The following LAIR1 variants were observed in gnomAD, a reference collection of about 807,000 sequenced individuals.
LAIR1 encodes leukocyte-associated immunoglobulin-like receptor 1.
LAIR1 carries 24 observed loss-of-function variants against 32.8 expected under a neutral mutation model. The observed-to-expected ratio is 0.73, with a 90% CI of 0.53 to 1.03. The LOEUF (loss-of-function observed/expected upper bound fraction) is 1.03, where lower values mean the gene tolerates loss of function less well. Among genes scored for constraint, LAIR1 ranks in the 50% least tolerant of loss-of-function variants. The pLI is 0.00. For missense variants in LAIR1, 355 were observed against 347.5 expected, an observed-to-expected ratio of 1.02 and a Z score of -0.17; for synonymous variants, 150 against 140.5, an observed-to-expected ratio of 1.07 and a Z score of -0.48.
In LAIR1 at chr19:54,361,124, C is replaced by G; in HGVS notation, c.156G>C (p.Pro52=). 1.2e-6 allele frequency: 2 copies of G among 1,614,154 alleles called. No individual in the cohort carries two copies. The highest frequency in any genetic ancestry group is 1.1e-5 in the South Asian group (1 of 91,082). ...CCAGGCGGAATGTTTGAACCCCAAC[C>G]GGGCCCCGGCACACGAAAGTCACAT... ...GSHVTFVCRG[P]VGVQTFRLER... is the part of the protein sequence containing the mutation. Residue 52 remains proline (P), a synonymous_variant, in exon 3 of 10, where the codon CCG becomes CCC. Transcript: ENST00000391742.
chr19:54,362,384 A>G (rs1270198133), intron 2 of LAIR1, among the ~76,000 whole-genome samples: 1 of 152,136 alleles, frequency 6.6e-6, no homozygotes, highest in Non-Finnish European at 1.5e-5. Flanking sequence ...GACGTTTTTC[A>G]TGGGCTGCTA....
chr19:54,373,409 A>C (rs535058119), upstream of LAIR1, among the ~76,000 whole-genome samples: 1 of 151,758 alleles, frequency 6.6e-6, no homozygotes. Context: ...GCGCCACTGC[A>C]CTCCAGCCAG....
At position 54,353,877 on chromosome 19, in the gene LAIR1, C is replaced by G. The variant is rs190055694; in HGVS notation, c.*1391G>C. On this transcript the variant is annotated 3_prime_UTR_variant, in exon 10 of 10. Coordinates refer to ENST00000391742, the MANE Select transcript of LAIR1 (RefSeq NM_002287.6). ...CCTCCCGAGTAGCTGGGACTACAGG[C>G]ACCCACCACCACACCCGGCTAATTT... 8.1e-6 allele frequency: 1 copy of G among 123,710 alleles called. No homozygotes were observed. Among genetic ancestry groups the G allele is most frequent in the Admixed American group, 8.8e-5 (1 of 11,308 alleles). 7.7% of individuals were successfully genotyped at this position (123,710 alleles called of 1,614,324 possible).
upstream of LAIR1, chr19:54,368,469 T>C (rs1985840): frequency 0.12 from 18,687 of 152,180 alleles, 1,357 homozygotes; most frequent in East Asian, 0.22. Context: ...TCCCTGCCTC[T>C]TTTCACTTTA....
At chr19:54,373,236 A>T (rs542741282), upstream of LAIR1, among the ~76,000 whole-genome samples, 1 of 150,998 alleles carries the variant, frequency 6.6e-6, no homozygotes, top group South Asian at 2.1e-4. Flanking sequence ...AGGTCAGGTG[A>T]TCGAGACCAT....
chr19:54,368,539 T>C (rs2082323693), upstream of LAIR1: 1 of 152,154 alleles, frequency 6.6e-6, no homozygotes, highest in South Asian at 2.1e-4. Flanking sequence ...ACAAACTGCA[T>C]CCACTTAATC....
intron 4 of LAIR1, 88 bp from the exon 5 acceptor site, chr19:54,357,054 T>C (rs1280216623): frequency 7.9e-7 from 1 of 1,272,658 alleles, no homozygotes; most frequent in Non-Finnish European, 1.1e-6. Context: ...ACTGTGGGGA[T>C]CTCCCTTCAC....
rs572194865 is a variant in LAIR1, at chr19:54,356,696, C to T, written c.455-77G>A. On this transcript the variant is annotated intron_variant, in intron 5 of 9. Coordinates refer to ENST00000391742, the MANE Select transcript of LAIR1 (RefSeq NM_002287.6). The stretch of plus-strand genomic sequence containing the variant: ...CTGTATACCACACACACGTCACGTG[C>T]GTTTCATAGACTTACTAATATATAA... 2.3e-5 allele frequency: 33 copies of T among 1,415,570 alleles called. No homozygotes were observed. The Admixed American group carries it at 2.8e-4, about 12-fold the overall frequency. The allele number at this position is 1,415,570 out of a possible 1,614,324, so 87.7% of individuals were successfully genotyped here.
upstream of LAIR1, chr19:54,368,243 G>A (rs192715838): frequency 6.6e-6 from 1 of 152,204 alleles, no homozygotes; most frequent in African/African-American, 2.4e-5. Context: ...ATGAGGACAA[G>A]GATAAAGTGC....
At chr19:54,372,775 A>G (rs2082438160), upstream of LAIR1, among the ~76,000 whole-genome samples, 1 of 151,162 alleles carries the variant, frequency 6.6e-6, no homozygotes, top group Admixed American at 6.6e-5. Flanking sequence ...GGTGTAAGCC[A>G]CTGAGCCCGG....
upstream of LAIR1, among the ~76,000 whole-genome samples, chr19:54,370,754 T>A (rs1438975556): frequency 6.6e-6 from 1 of 151,308 alleles, no homozygotes; most frequent in African/African-American, 2.5e-5. Context: ...ACTTTTTTTT[T>A]TTTATTTTGC....
rs200569333 is a variant in LAIR1 at position 54,356,962 on chromosome 19, G to A, written c.420C>T (p.Pro140=). The A allele has an allele frequency of 1.9e-6, 3 of 1,613,688 alleles. No individual in the cohort carries two copies. The highest frequency in any genetic ancestry group is 2.7e-5 in the African/African-American group (2 of 74,890). ...GACTGTTGTCCGACGGCCTCTGCGT[G>A]GGTCCTGGGAGGGAGGAATCAGAAG... The part of the protein sequence containing the change: ...PDTEPGSSAG[P]TQRPSDNSHN... Residue 140 remains proline (P), a synonymous_variant, in exon 5 of 10, where the codon CCC becomes CCT. Coordinates refer to ENST00000391742, the MANE Select transcript of LAIR1 (RefSeq NM_002287.6).
upstream of LAIR1, among the ~76,000 whole-genome samples, chr19:54,370,853 G>T (rs576261227): frequency 6.8e-4 from 102 of 150,464 alleles, 3 homozygotes; most frequent in African/African-American, 2.4e-3. Flanking sequence ...TCTATTCAAA[G>T]TAGGCACAAT....
upstream of LAIR1, among the ~76,000 whole-genome samples, chr19:54,370,808 G>T (rs1371160251): frequency 6.7e-6 from 1 of 150,092 alleles, no homozygotes; most frequent in Non-Finnish European, 1.5e-5. Context: ...TCCCTAATTA[G>T]TGCCTGACAA....
chr19:54,372,113 G>T (rs139576500), upstream of LAIR1, among the ~76,000 whole-genome samples: 1 of 151,614 alleles, frequency 6.6e-6, no homozygotes, highest in Non-Finnish European at 1.5e-5. Flanking sequence ...CCATATGACC[G>T]TATGTTTTCA....
At chr19:54,361,325 A>G in intron 2 of LAIR1, 116 bp from the exon 3 acceptor site, 8 of 1,120,684 alleles carry the variant, frequency 7.1e-6, no homozygotes, top group Non-Finnish European at 1.0e-5. Flanking sequence ...TTATGCAGCC[A>G]TGACCACAGC....
upstream of LAIR1, among the ~76,000 whole-genome samples, chr19:54,367,796 C>T (rs1431434351): frequency 9.3e-5 from 13 of 139,778 alleles, no homozygotes; most frequent in Non-Finnish European, 1.5e-4. Context: ...GACAGAGTCT[C>T]GCTCTGTCGC....
At chr19:54,368,957 G>GATT, upstream of LAIR1, among the ~76,000 whole-genome samples, 1 of 151,330 alleles carries the variant, frequency 6.6e-6, no homozygotes, top group Admixed American at 6.6e-5. Flanking sequence ...AAAGTGCTGA[G>GATT]ATTACAGGCG....
At chr19:54,376,018 C>T in the LAIR1 span, among the ~76,000 whole-genome samples, 1 of 151,682 alleles carries the variant, frequency 6.6e-6, no homozygotes, top group Non-Finnish European at 1.5e-5. Context: ...CAGATTCTTC[C>T]AACTTTGGGG....
Sources: gnomAD v4.1 joint callset for allele counts (sites outside exome capture counted in the v4.1 genomes callset) on GRCh38, gnomAD v4.1.1 for gene constraint, MANE v1.5 for transcripts, NCBI Gene and HGNC (gene_info 2026-07-23, HGNC 2026-07-21) for gene names.